JAKMIP2: variants seen among roughly 807,000 people sequenced by gnomAD.
JAKMIP2 encodes the protein janus kinase and microtubule interacting protein 2.
Under a neutral mutation model 115.0 loss-of-function variants are expected in JAKMIP2, and 25 were observed. The ratio of observed to expected loss-of-function variants is 0.22; its 90% CI spans 0.16 to 0.30. The LOEUF is 0.30. Ranked by LOEUF, JAKMIP2 falls within the 10% of genes least tolerant of loss-of-function variation. The pLI, the probability that JAKMIP2 is intolerant of heterozygous loss-of-function variation, is 1.00. For missense variants in JAKMIP2, 642 were observed against 957.6 expected, an observed-to-expected ratio of 0.67 and a Z score of 4.35; for synonymous variants, 334 against 343.6, an observed-to-expected ratio of 0.97 and a Z score of 0.31.
intron 1 of JAKMIP2, among the ~76,000 whole-genome samples, chr5:147,750,426 C>T (rs1375256608): frequency 6.6e-6 from 1 of 152,064 alleles, no homozygotes; most frequent in African/African-American, 2.4e-5. Context: ...GTTATACTCA[C>T]TTATTTAGAG....
At chr5:147,618,433 C>G (rs1240995135) in intron 18 of JAKMIP2, among the ~76,000 whole-genome samples, 1 of 152,076 alleles carries the variant, frequency 6.6e-6, no homozygotes, top group East Asian at 1.9e-4. Flanking sequence ...TAAGTGTGTT[C>G]TCACTTCTAC....
At chr5:147,738,314 A>G (rs141173435) in intron 1 of JAKMIP2, among the ~76,000 whole-genome samples, 2,798 of 152,312 alleles carry the variant, frequency 0.018, 113 homozygotes, top group African/African-American at 0.064. Context: ...TTCTCTTCAA[A>G]AAGGTCCATT....
At position 147,722,640 on chromosome 5, in the gene JAKMIP2, C is replaced by G. The variant is rs116375816; in HGVS notation, c.-148-50686G>C. On this transcript the variant is annotated intron_variant, in intron 1 of 21. Transcript: ENST00000616793. ...ACGAAAGAGTTGCATGGGACAATGT[C>G]AGTCATAGAAGGAAGGTGATAATAT... Among the ~76,000 whole-genome samples the G allele has an allele frequency of 8.7e-3, 1,324 of 152,178 alleles. 18 individuals carry two copies. The highest frequency in any genetic ancestry group is 0.031 in the African/African-American group (1,280 of 41,520).
chr5:147,781,051 T>C (rs1334000990), intron 1 of JAKMIP2, among the ~76,000 whole-genome samples: 1 of 152,130 alleles, frequency 6.6e-6, no homozygotes, highest in Non-Finnish European at 1.5e-5. Context: ...AGCCTTGACA[T>C]AATAAAAGGT....
intron 1 of JAKMIP2, among the ~76,000 whole-genome samples, chr5:147,692,828 G>A (rs776124928): frequency 4.6e-5 from 7 of 151,916 alleles, no homozygotes; most frequent in Non-Finnish European, 1.0e-4. Context: ...AAAAGTCTAT[G>A]GGTAATAATA....
chr5:147,591,064 T>C lies in JAKMIP2; in HGVS notation c.*643A>G, dbSNP rs1023559238. 10 of 152,630 alleles carry C rather than the reference T, an allele frequency of 6.6e-5. No homozygotes were observed. The highest frequency in any genetic ancestry group is 2.4e-4 in the African/African-American group (10 of 41,442). The allele number at this position is 152,630 out of a possible 1,614,324, so 9.5% of individuals were successfully genotyped here. A position where few individuals can be genotyped will look rare whatever the true frequency, so the allele number is the denominator to read the frequency against. On this transcript the variant is annotated 3_prime_UTR_variant, in exon 22 of 22. Coordinates refer to ENST00000616793, the MANE Select transcript of JAKMIP2 (RefSeq NM_001270941.2). ...AAAACAGAGAGTGTTTTTCTTCCCA[T>C]TTACGATGCGGATGTCTCTGTTCCT...
At chr5:147,690,663 C>A (rs557011845) in intron 1 of JAKMIP2, among the ~76,000 whole-genome samples, 20 of 150,136 alleles carry the variant, frequency 1.3e-4, no homozygotes, top group Non-Finnish European at 2.2e-4. Context: ...TATGAGGTAA[C>A]AGGGTCCATC....
At chr5:147,770,562 A>G (rs1300917515) in intron 1 of JAKMIP2, among the ~76,000 whole-genome samples, 1 of 152,164 alleles carries the variant, frequency 6.6e-6, no homozygotes. Flanking sequence ...GCGTGAATTT[A>G]CACCACGTAA....
At chr5:147,759,622 G>A (rs1444420484) in intron 1 of JAKMIP2, among the ~76,000 whole-genome samples, 1 of 152,106 alleles carries the variant, frequency 6.6e-6, no homozygotes, top group African/African-American at 2.4e-5. Flanking sequence ...TAGACTGGAT[G>A]GTGAGAGAGC....
At chr5:147,720,258 C>T (rs1204389308) in intron 1 of JAKMIP2, among the ~76,000 whole-genome samples, 16 of 151,996 alleles carry the variant, frequency 1.1e-4, no homozygotes, top group Non-Finnish European at 8.8e-5. Flanking sequence ...GTAACCCGAC[C>T]TTTCTCTCTG....
At chr5:147,745,333 C>T (rs561061351) in intron 1 of JAKMIP2, among the ~76,000 whole-genome samples, 2 of 152,222 alleles carry the variant, frequency 1.3e-5, no homozygotes, top group South Asian at 4.2e-4. Context: ...TTTTAGGTTT[C>T]CAAACCTTTG....
intron 19 of JAKMIP2, among the ~76,000 whole-genome samples, chr5:147,613,861 T>A (rs938542221): frequency 1.3e-5 from 2 of 152,160 alleles, no homozygotes; most frequent in Admixed American, 6.5e-5. Context: ...ACCATAAAGG[T>A]TAACCTTGAA....
Position 147,661,433 on chromosome 5 carries a change from CA to C in JAKMIP2, c.141del (p.Glu48LysfsTer23). ...TTCGCTTCTTGAGTCTTCTCTCTTT[CA>C]AGCTTTGATACCTAAAAACAGAGAG... Reference protein sequence around the residue: ...LHQEKSKVSKLEREKTQEAKR... With the variant: ...LHQEKSKVSKXEREKTQEAKR... On this transcript the variant is annotated frameshift_variant, in exon 3 of 22. Coordinates refer to ENST00000616793, the MANE Select transcript of JAKMIP2 (RefSeq NM_001270941.2). LOFTEE classifies it high-confidence loss of function. 6.2e-7 allele frequency: 1 copy of C among 1,611,102 alleles called. No homozygotes were observed. The highest frequency in any genetic ancestry group is 8.5e-7 in the Non-Finnish European group (1 of 1,178,984).
At chr5:147,720,778 T>G (rs1168074903) in intron 1 of JAKMIP2, among the ~76,000 whole-genome samples, 3 of 150,954 alleles carry the variant, frequency 2.0e-5, no homozygotes, top group Non-Finnish European at 4.4e-5. Flanking sequence ...TTTCAACTTC[T>G]TTGCCTTTGG....
chr5:147,697,209 T>C (rs954304489), intron 1 of JAKMIP2, among the ~76,000 whole-genome samples: 4 of 151,654 alleles, frequency 2.6e-5, no homozygotes, highest in African/African-American at 9.7e-5. Context: ...TGGCAGGAGG[T>C]GAAAGGCACT....
intron 2 of JAKMIP2, among the ~76,000 whole-genome samples, chr5:147,671,112 T>C (rs1320726695): frequency 1.3e-5 from 2 of 152,052 alleles, no homozygotes; most frequent in Non-Finnish European, 2.9e-5. Context: ...CTAAATGTGA[T>C]TGGGGTCTCT....
intron 1 of JAKMIP2, among the ~76,000 whole-genome samples, chr5:147,778,736 A>T (rs1237495852): frequency 1.3e-5 from 2 of 152,136 alleles, no homozygotes; most frequent in East Asian, 1.9e-4. Context: ...TTGTAATAAT[A>T]TAAGGTGAAG....
In JAKMIP2 at chr5:147,671,790, C is replaced by T. The variant is rs934467542; in HGVS notation, c.17G>A (p.Arg6Gln). ...TGCCTCGGGCTTCTCGCCCTTATTTCGCCCTTTCTTGGACATTGTTCCTTT... is the reference window on the plus strand; with the variant it reads ...TGCCTCGGGCTTCTCGCCCTTATTTTGCCCTTTCTTGGACATTGTTCCTTT... MSKKG[R>Q]NKGEKPEALI... Residue 6 changes from arginine to glutamine, a missense_variant, in exon 2 of 22, where the codon CGA (arginine) becomes CAA (glutamine). Transcript: ENST00000616793. 2.5e-6 allele frequency: 4 copies of T among 1,580,166 alleles called. No homozygotes were observed. The highest frequency in any genetic ancestry group is 1.4e-5 in the African/African-American group (1 of 73,302).
intron 4 of JAKMIP2, among the ~76,000 whole-genome samples, chr5:147,649,153 T>G (rs958744344): frequency 6.6e-6 from 1 of 152,202 alleles, no homozygotes; most frequent in Non-Finnish European, 1.5e-5. Flanking sequence ...TATCATATGC[T>G]AACAATTATA....
Sources: gnomAD v4.1 joint callset for allele counts (sites outside exome capture counted in the v4.1 genomes callset) on GRCh38, gnomAD v4.1.1 for gene constraint, MANE v1.5 for transcripts, NCBI Gene and HGNC (gene_info 2026-07-23, HGNC 2026-07-21) for gene names.